Variants in USH2A observed in about 807,000 individuals in gnomAD.
USH2A encodes the protein Usher syndrome 2A (autosomal recessive, mild).
In USH2A, 443 loss-of-function variants were observed where a neutral mutation model predicts 538.9. That is an observed-to-expected ratio of 0.82 (90% CI 0.76 to 0.89). USH2A has a LOEUF of 0.89. Among genes scored for constraint, USH2A ranks in the 40% least tolerant of loss-of-function variants. The probability of loss-of-function intolerance (pLI) is 0.00; values close to 1 mark genes in which losing one functional copy is unlikely to be tolerated. For missense variants in USH2A, 6,633 were observed against 6,324.8 expected (o/e 1.05, Z -1.65); for synonymous variants, 2,413 against 2,273.5 (o/e 1.06, Z -1.75).
At position 216,200,190 on chromosome 1, in the gene USH2A, C is replaced by T. The variant is rs1572043246; in HGVS notation, c.3317-69G>A. ...GTTGGTGAAGAATCATTGCTAACTG[C>T]TTTCCTATCATATTATTTAATTACA... On this transcript the variant is annotated intron_variant, in intron 16 of 71. Coordinates refer to ENST00000307340, the MANE Select transcript of USH2A (RefSeq NM_206933.4). 3.4e-6 allele frequency: 5 copies of T among 1,464,718 alleles called. No individual in the cohort carries two copies. In the East Asian group the frequency reaches 1.2e-4, roughly 35 times the overall value. The allele number at this position is 1,464,718 out of a possible 1,614,324, so 90.7% of individuals were successfully genotyped here.
At chr1:216,275,061 T>C (rs1256109579) in intron 11 of USH2A, among the ~76,000 whole-genome samples, 6 of 152,130 alleles carry the variant, frequency 3.9e-5, no homozygotes, top group Admixed American at 3.9e-4. Flanking sequence ...CATATTTGAA[T>C]GGTTTTAAGA....
intron 3 of USH2A, among the ~76,000 whole-genome samples, chr1:216,416,938 C>A (rs999223244): frequency 3.9e-5 from 6 of 152,152 alleles, no homozygotes; most frequent in Non-Finnish European, 8.8e-5. Flanking sequence ...AATATTAAAA[C>A]CCAATTCTGT....
At chr1:215,872,767 C>T (rs1314231394) in intron 43 of USH2A, among the ~76,000 whole-genome samples, 1 of 151,918 alleles carries the variant, frequency 6.6e-6, no homozygotes. Context: ...TTATGAATGG[C>T]TTGCTGTCAT....
At chr1:215,845,444 C>T (rs556502115) in intron 45 of USH2A, among the ~76,000 whole-genome samples, 8 of 152,202 alleles carry the variant, frequency 5.3e-5, no homozygotes, top group Non-Finnish European at 1.0e-4. Context: ...CCTACCATTT[C>T]TGGTGACTCA....
chr1:216,213,652 A>AT (rs879270318), intron 15 of USH2A, among the ~76,000 whole-genome samples: 67 of 149,408 alleles, frequency 4.5e-4, no homozygotes, highest in South Asian at 2.3e-3. Context: ...AAAATGGAGA[A>AT]TTTTTTTTTT....
At chr1:215,869,073 T>A (rs1369045822) in intron 43 of USH2A, among the ~76,000 whole-genome samples, 1 of 152,236 alleles carries the variant, frequency 6.6e-6, no homozygotes, top group African/African-American at 2.4e-5. Flanking sequence ...TAATAATAGT[T>A]ACTTAATAGC....
At chr1:215,741,286 T>C in intron 60 of USH2A, 89 bp downstream of exon 60, 1 of 1,456,508 alleles carries the variant, frequency 6.9e-7, no homozygotes, top group Non-Finnish European at 9.6e-7. Flanking sequence ...TTCATTCTCT[T>C]ATGGAAATAT....
intron 21 of USH2A, among the ~76,000 whole-genome samples, chr1:216,149,021 C>T (rs866385518): frequency 6.6e-6 from 1 of 152,132 alleles, no homozygotes; most frequent in Admixed American, 6.5e-5. Flanking sequence ...CCTGCCAATC[C>T]TGTCCGACTA....
chr1:215,837,883 T>C, intron 47 of USH2A, 108 bp downstream of exon 47: 5 of 910,880 alleles, frequency 5.5e-6, no homozygotes, highest in Admixed American at 5.4e-5. Context: ...CACATACTTA[T>C]AATAACCCAT....
At chr1:216,066,276 CT>C (rs1288439619) in intron 30 of USH2A, among the ~76,000 whole-genome samples, 1 of 151,974 alleles carries the variant, frequency 6.6e-6, no homozygotes, top group Non-Finnish European at 1.5e-5. Context: ...CGAGACCATC[CT>C]GGCTAACATG....
At chr1:215,809,321 T>C (rs1161581542) in intron 49 of USH2A, among the ~76,000 whole-genome samples, 2 of 152,136 alleles carry the variant, frequency 1.3e-5, no homozygotes, top group Non-Finnish European at 2.9e-5. Flanking sequence ...AGTATACACA[T>C]CTACATGGCG....
chr1:216,076,355 G>A (rs987760281), intron 27 of USH2A, among the ~76,000 whole-genome samples: 1 of 152,094 alleles, frequency 6.6e-6, no homozygotes, highest in Non-Finnish European at 1.5e-5. Context: ...CTTAGTCATA[G>A]TGTGTAGGTA....
chr1:216,219,775 G>A (rs900085489), intron 14 of USH2A, among the ~76,000 whole-genome samples: 14 of 152,146 alleles, frequency 9.2e-5, no homozygotes, highest in Non-Finnish European at 2.1e-4. Flanking sequence ...GGAAAACCTC[G>A]CTTGCTAAAT....
At chr1:216,416,854 T>C (rs964198872) in intron 3 of USH2A, among the ~76,000 whole-genome samples, 7 of 152,158 alleles carry the variant, frequency 4.6e-5, no homozygotes, top group Admixed American at 1.3e-4. Flanking sequence ...TACAAAAATA[T>C]GCAACAAACA....
chr1:215,631,667 T>C (rs73087444), intron 70 of USH2A, among the ~76,000 whole-genome samples: 4,974 of 152,302 alleles, frequency 0.033, 195 homozygotes, highest in African/African-American at 0.093. Flanking sequence ...AATGAATGGC[T>C]TCCCTGCTGA....
At chr1:215,795,952 G>T (rs528035321) in intron 50 of USH2A, among the ~76,000 whole-genome samples, 21 of 152,194 alleles carry the variant, frequency 1.4e-4, no homozygotes, top group Non-Finnish European at 2.8e-4. Flanking sequence ...ATTTATTAAT[G>T]CATTTAGACA....
intron 44 of USH2A, among the ~76,000 whole-genome samples, chr1:215,858,288 A>G (rs1398713362): frequency 1.3e-5 from 2 of 151,950 alleles, no homozygotes; most frequent in African/African-American, 4.8e-5. Context: ...AATCTCTGAT[A>G]TGGTTAGGTC....
chr1:216,216,132 TG>T (rs2035337561), intron 15 of USH2A, among the ~76,000 whole-genome samples: 1 of 152,144 alleles, frequency 6.6e-6, no homozygotes, highest in African/African-American at 2.4e-5. Context: ...AGCAATCAAT[TG>T]TATTGCTAAT....
At chr1:216,371,490 C>T (rs2038712384) in intron 3 of USH2A, among the ~76,000 whole-genome samples, 1 of 152,174 alleles carries the variant, frequency 6.6e-6, no homozygotes, top group South Asian at 2.1e-4. Context: ...TTAAGTTGAG[C>T]TGACTATTAA....
Sources: gnomAD v4.1 joint callset for allele counts (sites outside exome capture counted in the v4.1 genomes callset) on GRCh38, gnomAD v4.1.1 for gene constraint, MANE v1.5 for transcripts, NCBI Gene and HGNC (gene_info 2026-07-23, HGNC 2026-07-21) for gene names.